PHEX: variants seen among roughly 807,000 people sequenced by gnomAD.
PHEX encodes the protein phosphate regulating endopeptidase X-linked.
PHEX carries 16 observed loss-of-function variants against 68.0 expected under a neutral mutation model. That is an observed-to-expected ratio of 0.24 (90% CI 0.16 to 0.36). The LOEUF is 0.36. Ranked by LOEUF, PHEX falls within the 10% of genes least tolerant of loss-of-function variation. The pLI is 1.00. For missense variants in PHEX, 480 were observed against 575.5 expected (o/e 0.83, Z 1.70); for synonymous variants, 208 against 205.1 (o/e 1.01, Z -0.12).
intron 3 of PHEX, among the ~76,000 whole-genome samples, chrX:22,051,611 G>A (rs1053505198): frequency 8.9e-6 from 1 of 112,025 alleles, no homozygotes; most frequent in African/African-American, 3.2e-5. Context: ...ACTTTGATAA[G>A]TTGAACAAAT....
chrX:22,213,493 C>A (rs1305107934), intron 16 of PHEX, among the ~76,000 whole-genome samples: 2 of 111,701 alleles, frequency 1.8e-5, no homozygotes, highest in Admixed American at 9.5e-5. Flanking sequence ...GTAAGATAAT[C>A]GAATTTATCT....
chrX:22,249,455 A>AATATATATATATAT lies in PHEX; in HGVS notation c.*1521_*1534dup, dbSNP rs1198426834. The AATATATATATATAT allele has an allele frequency of 1.2e-3, 47 of 39,742 alleles. No individual in the cohort carries two copies. The highest frequency in any genetic ancestry group is 2.2e-3 in the African/African-American group (13 of 6,011). 3.3% of individuals were successfully genotyped at this position (39,742 alleles called of 1,213,427 possible). A position where few individuals can be genotyped will look rare whatever the true frequency, so the allele number is the denominator to read the frequency against. ...TTGTGATTCTTTTAAAAAAAAAAAA[A>AATATATATATATAT]ATATATATATATATATATATATATA... is the stretch of plus-strand genomic sequence containing the variant. On this transcript the variant is annotated 3_prime_UTR_variant, in exon 22 of 22. Transcript: ENST00000379374.
chrX:22,193,986 G>A (rs762618825), intron 15 of PHEX, among the ~76,000 whole-genome samples: 5 of 111,818 alleles, frequency 4.5e-5, no homozygotes, highest in Non-Finnish European at 9.4e-5. Context: ...CGACGTTTCC[G>A]CATTCACTTT....
chrX:22,084,918 G>C (rs1346558080), intron 5 of PHEX, among the ~76,000 whole-genome samples: 1 of 108,505 alleles, frequency 9.2e-6, no homozygotes, highest in Admixed American at 9.8e-5. Context: ...AAGATTTGTT[G>C]ATTTTCAAAA....
intron 11 of PHEX, among the ~76,000 whole-genome samples, chrX:22,117,761 G>A (rs979292072): frequency 7.2e-5 from 8 of 111,110 alleles, no homozygotes; most frequent in African/African-American, 2.6e-4. Flanking sequence ...TTTGATGTAC[G>A]TGGGGGTAGT....
At chrX:22,103,891 A>G (rs1166160031) in intron 9 of PHEX, among the ~76,000 whole-genome samples, 1 of 112,199 alleles carries the variant, frequency 8.9e-6, no homozygotes, top group Non-Finnish European at 1.9e-5. Flanking sequence ...ACTGTTTTCC[A>G]TAGTGGTTGT....
At chrX:22,036,994 G>A (rs1467881513) in intron 1 of PHEX, among the ~76,000 whole-genome samples, 1 of 107,362 alleles carries the variant, frequency 9.3e-6, no homozygotes, top group Non-Finnish European at 1.9e-5. Flanking sequence ...AGCTACTCGG[G>A]AGGCTGAGGC....
At chrX:22,055,999 G>C (rs753350293) in intron 3 of PHEX, among the ~76,000 whole-genome samples, 32 of 112,232 alleles carry the variant, frequency 2.9e-4, no homozygotes, top group African/African-American at 1.0e-3. Flanking sequence ...TGTCATTAGC[G>C]GTTTCTACTA....
At chrX:22,222,901 T>C (rs1935316736) in intron 18 of PHEX, among the ~76,000 whole-genome samples, 1 of 111,917 alleles carries the variant, frequency 8.9e-6, no homozygotes, top group African/African-American at 3.2e-5. Context: ...TTTAAGTAAG[T>C]CTGTACGACT....
In PHEX at chrX:22,050,203, G is replaced by A. The variant is rs150128328; in HGVS notation, c.349+2992G>A. 4.7e-3 allele frequency among the ~76,000 whole-genome samples: 527 copies of A among 112,340 alleles called. 4 individuals carry two copies. Among genetic ancestry groups the A allele is most frequent in the African/African-American group, 0.016 (492 of 30,991 alleles). ...AAGTAAAGCTTTGAATGTATGTATTGGATTCAATTAGAACTGTCTTATTAG... is the reference window on the plus strand; with the variant it reads ...AAGTAAAGCTTTGAATGTATGTATTAGATTCAATTAGAACTGTCTTATTAG... On this transcript the variant is annotated intron_variant, in intron 3 of 21. Transcript: ENST00000379374.
At chrX:22,183,027 G>T (rs374537661) in intron 14 of PHEX, among the ~76,000 whole-genome samples, 1 of 111,556 alleles carries the variant, frequency 9.0e-6, no homozygotes, top group Admixed American at 9.5e-5. Flanking sequence ...GAAATGATTT[G>T]TCAACCTTCT....
intron 20 of PHEX, among the ~76,000 whole-genome samples, chrX:22,244,672 C>T (rs1384924843): frequency 9.0e-6 from 1 of 111,724 alleles, no homozygotes; most frequent in Non-Finnish European, 1.9e-5. Flanking sequence ...GTGGATACCA[C>T]AGGAGTAGAA....
rs1929879553 is a variant in PHEX, at chrX:22,091,435, T to C, written c.732+938T>C. Among the ~76,000 whole-genome samples the C allele has an allele frequency of 3.6e-5, 4 of 112,125 alleles. No homozygotes were observed. The South Asian group carries it at 1.5e-3, about 42-fold the overall frequency. On this transcript the variant is annotated intron_variant, in intron 6 of 21. Coordinates refer to ENST00000379374, the MANE Select transcript of PHEX (RefSeq NM_000444.6). ...CAAAATATCTCTTCCATCCACTTGG[T>C]CCCTCTTTTCTATCCTGACTGCTAT...
rs5951713 is a variant in PHEX, at chrX:22,168,265, T to C, written c.1405-47T>C. 6.0e-3 allele frequency: 5,390 copies of C among 893,405 alleles called. 169 individuals are homozygous for C. The African/African-American group carries it at 0.091, about 15-fold the overall frequency. 73.6% of individuals were successfully genotyped at this position (893,405 alleles called of 1,213,427 possible). ...TTCTACATCTTGTGATTATTAATGATTTAAGTGCTGAAACTCTGACATTAT... is the reference window on the plus strand; with the variant it reads ...TTCTACATCTTGTGATTATTAATGACTTAAGTGCTGAAACTCTGACATTAT... On this transcript the variant is annotated intron_variant, in intron 12 of 21. Transcript: ENST00000379374.
intron 15 of PHEX, among the ~76,000 whole-genome samples, chrX:22,205,909 A>G (rs180956484): frequency 3.4e-3 from 377 of 112,244 alleles, no homozygotes; most frequent in Non-Finnish European, 5.0e-3. Flanking sequence ...TATTTTGTCT[A>G]ATTTTCTCTT....
At chrX:22,245,474 G>A in intron 21 of PHEX, 65 bp downstream of exon 21, 3 of 735,209 alleles carry the variant, frequency 4.1e-6, no homozygotes, top group Non-Finnish European at 6.5e-6. Flanking sequence ...CCCCCACCCA[G>A]CCATCCAAGG....
chrX:22,229,737 T>C (rs773664987), intron 20 of PHEX, among the ~76,000 whole-genome samples: 1 of 112,419 alleles, frequency 8.9e-6, no homozygotes, highest in South Asian at 3.7e-4. Context: ...AGAAGCTCTT[T>C]AGTTTAATTA....
At chrX:22,063,741 T>G (rs1207950450) in intron 3 of PHEX, among the ~76,000 whole-genome samples, 1 of 112,645 alleles carries the variant, frequency 8.9e-6, no homozygotes. Flanking sequence ...TCAGTTGTCC[T>G]TAAAATGCTT....
chrX:22,156,061 G>C (rs1932943774), intron 12 of PHEX, among the ~76,000 whole-genome samples: 1 of 111,852 alleles, frequency 8.9e-6, no homozygotes. Flanking sequence ...CAGGGCCTGT[G>C]AATTAAACTA....
Sources: gnomAD v4.1 joint callset for allele counts (sites outside exome capture counted in the v4.1 genomes callset) on GRCh38, gnomAD v4.1.1 for gene constraint, MANE v1.5 for transcripts, NCBI Gene and HGNC (gene_info 2026-07-23, HGNC 2026-07-21) for gene names.